Variants in NUDT7 observed in about 807,000 individuals in gnomAD.
The protein encoded by NUDT7 is peroxisomal coenzyme A diphosphatase NUDT7.
A neutral mutation model predicts 13.1 loss-of-function variants in NUDT7; 19 were observed. The ratio of observed to expected loss-of-function variants is 1.45; its 90% CI spans 1.01 to 2.13. The LOEUF is 2.13. NUDT7 is among the 30% of genes most tolerant of loss of function. NUDT7 has a pLI of 0.00. For synonymous variants in NUDT7, 132 were observed against 109.7 expected (o/e 1.20, Z -1.27); for missense variants, 360 against 291.7 (o/e 1.23, Z -1.71).
intron 3 of NUDT7, chr16:77,737,488 G>GTTTTTT (rs1452463596): frequency 6.3e-4 from 92 of 146,512 alleles, no homozygotes; most frequent in African/African-American, 2.2e-3. Context: ...TTTTTTTGTT[G>GTTTTTT]TTGTTGTTGT....
At chr16:77,723,086 C>G (rs2014011739) in intron 1 of NUDT7, among the ~76,000 whole-genome samples, 1 of 152,220 alleles carries the variant, frequency 6.6e-6, no homozygotes. Flanking sequence ...AAAATTGAGA[C>G]CATGCTCAGA....
intron 2 of NUDT7, among the ~76,000 whole-genome samples, chr16:77,734,388 C>T (rs149337455): frequency 0.056 from 8,543 of 152,116 alleles, 422 homozygotes; most frequent in Admixed American, 0.11. Flanking sequence ...CTTTGGGAGG[C>T]CGAGGAGGGC....
intron 2 of NUDT7, among the ~76,000 whole-genome samples, chr16:77,731,534 C>T (rs1053050842): frequency 1.3e-5 from 2 of 152,082 alleles, no homozygotes; most frequent in African/African-American, 4.8e-5. Flanking sequence ...CAATTATGCA[C>T]AATATATAAT....
chr16:77,735,597 G>A (rs770786329), intron 2 of NUDT7: 1 of 582,270 alleles, frequency 1.7e-6, no homozygotes, highest in African/African-American at 1.9e-5. Flanking sequence ...ACAGTGTGTG[G>A]TATCTTTTGG....
chr16:77,730,814 C>G (rs10438624), intron 2 of NUDT7, among the ~76,000 whole-genome samples: 90,645 of 151,754 alleles, frequency 0.6, 28,299 homozygotes, highest in Non-Finnish European at 0.7. Context: ...AAAGGTGTGA[C>G]GTAATGTCTC....
At chr16:77,736,159 C>G in intron 3 of NUDT7, 173 bp downstream of exon 3, 1 of 579,048 alleles carries the variant, frequency 1.7e-6, no homozygotes, top group Non-Finnish European at 3.0e-6. Flanking sequence ...ATGGGCAACC[C>G]CTTTTGCCTC....
chr16:77,731,373 CA>C (rs1258782213), intron 2 of NUDT7, among the ~76,000 whole-genome samples: 1 of 152,082 alleles, frequency 6.6e-6, no homozygotes. Flanking sequence ...ATGGTGGCCC[CA>C]AAAGATGATA....
Position 77,742,158 on chromosome 16 carries a change from G to T in NUDT7, c.*208G>T. ...AAATGAAAACTATGTTCATAGTGTT[G>T]CATATTTTCACCCACAATATGTTAA... On this transcript the variant is annotated 3_prime_UTR_variant, in exon 4 of 4. Transcript: ENST00000268533. 1 of 1,233,378 alleles carries T rather than the reference G, an allele frequency of 8.1e-7. No individual in the cohort carries two copies. The highest frequency in any genetic ancestry group is 1.0e-6 in the Non-Finnish European group (1 of 969,580). The allele number at this position is 1,233,378 out of a possible 1,614,324, so 76.4% of individuals were successfully genotyped here.
chr16:77,728,923 C>T lies in NUDT7; in HGVS notation c.189+3339C>T, dbSNP rs777365769. Among the ~76,000 whole-genome samples, 3 of 152,148 alleles carry T rather than the reference C, an allele frequency of 2.0e-5. No individual in the cohort carries two copies. In the South Asian group the frequency reaches 6.2e-4, roughly 32 times the overall value. The stretch of plus-strand genomic sequence containing the variant: ...TCCCCCACACCCTTGACCTCGCATC[C>T]CTCCTCTGTCCCCTCTTCTACCCTC... On this transcript the variant is annotated intron_variant, in intron 2 of 3. Coordinates refer to ENST00000268533, the MANE Select transcript of NUDT7 (RefSeq NM_001105663.3).
At chr16:77,736,662 C>T (rs781463254) in intron 3 of NUDT7, 21 of 279,458 alleles carry the variant, frequency 7.5e-5, no homozygotes, top group African/African-American at 1.3e-4. Flanking sequence ...ATGGGGGTCT[C>T]GCTATGTTGA....
In NUDT7 at chr16:77,722,611, C is replaced by T. The variant is rs1407958118; in HGVS notation, c.29C>T (p.Pro10Leu). Residue 10 changes from proline to leucine, a missense_variant, in exon 1 of 4, where the codon CCA becomes CTA. Physicochemically the swap from Pro to Leu is moderately conservative, Grantham distance 98. Coordinates refer to ENST00000268533, the MANE Select transcript of NUDT7 (RefSeq NM_001105663.3). ...TCACGACTTGGTCTTCCCGAGGAGC[C>T]AGTCAGGTAAAGGCTTTCCGGGCCC... MSRLGLPEEPVRNSLLDDAK... is the reference protein window; with the variant it reads MSRLGLPEELVRNSLLDDAK... 1.3e-6 allele frequency: 2 copies of T among 1,594,454 alleles called. No homozygotes were observed. Among genetic ancestry groups the T allele is most frequent in the Admixed American group, 3.4e-5 (2 of 58,066 alleles).
intron 3 of NUDT7, among the ~76,000 whole-genome samples, chr16:77,738,777 C>G (rs1223616070): frequency 6.6e-6 from 1 of 152,148 alleles, no homozygotes; most frequent in Non-Finnish European, 1.5e-5. Context: ...GACACCACAA[C>G]CCCCACCCCA....
In NUDT7 at chr16:77,741,896, A is replaced by ATCCTC. The variant is rs767345298; in HGVS notation, c.665_669dup (p.Glu224ProfsTer7). The ATCCTC allele has an allele frequency of 1.2e-5, 20 of 1,613,742 alleles. No homozygotes were observed. Among genetic ancestry groups the ATCCTC allele is most frequent in the Non-Finnish European group, 5.9e-6 (7 of 1,179,960 alleles). On this transcript the variant is annotated frameshift_variant, in exon 4 of 4. Transcript: ENST00000268533. LOFTEE classifies it low-confidence loss of function (END_TRUNC). The stretch of plus-strand genomic sequence containing the variant: ...AATTTAATCTTAATGATGTATTAGC[A>ATCCTC]TCCTCTGAAGAGTTATTCCTGAAGG...
chr16:77,726,412 A>C (rs2014137487), intron 2 of NUDT7, among the ~76,000 whole-genome samples: 1 of 152,198 alleles, frequency 6.6e-6, no homozygotes, highest in African/African-American at 2.4e-5. Context: ...CTGAAGTTTT[A>C]AGATAAATGA....
intron 2 of NUDT7, among the ~76,000 whole-genome samples, chr16:77,732,038 G>C (rs935306306): frequency 2.0e-5 from 3 of 151,606 alleles, no homozygotes; most frequent in Non-Finnish European, 4.4e-5. Flanking sequence ...ATTTAAAAAA[G>C]AAAAAGGCCG....
chr16:77,736,627 CTTT>C (rs1567431730), intron 3 of NUDT7: 1 of 230,688 alleles, frequency 4.3e-6, no homozygotes, highest in South Asian at 4.8e-5. Context: ...ATCTTATTTT[CTTT>C]TTTATTTTTT....
intron 2 of NUDT7, chr16:77,735,572 C>A (rs983461298): frequency 5.3e-6 from 3 of 563,690 alleles, no homozygotes; most frequent in Non-Finnish European, 9.5e-6. Flanking sequence ...TATAGCAGTG[C>A]AAGAACAGAT....
At chr16:77,732,081 C>T (rs1183046063) in intron 2 of NUDT7, among the ~76,000 whole-genome samples, 4 of 152,098 alleles carry the variant, frequency 2.6e-5, no homozygotes, top group African/African-American at 9.7e-5. Context: ...AATCCCAGCA[C>T]TTTGGGAGGC....
intron 2 of NUDT7, among the ~76,000 whole-genome samples, chr16:77,733,324 G>A (rs1244029946): frequency 1.3e-5 from 2 of 152,172 alleles, no homozygotes; most frequent in Admixed American, 6.5e-5. Context: ...AGTCTGGTGA[G>A]GGCCCTGTTT....
Sources: gnomAD v4.1 joint callset for allele counts (sites outside exome capture counted in the v4.1 genomes callset) on GRCh38, gnomAD v4.1.1 for gene constraint, MANE v1.5 for transcripts, NCBI Gene and HGNC (gene_info 2026-07-23, HGNC 2026-07-21) for gene names.